The following PDIA6 variants were observed in gnomAD, a reference collection of about 807,000 sequenced individuals.
PDIA6 encodes protein disulfide isomerase family A member 6.
In PDIA6, 29 loss-of-function variants were observed where a neutral mutation model predicts 58.4. The observed-to-expected ratio is 0.50, with a 90% confidence interval of 0.37 to 0.68. PDIA6 has a LOEUF of 0.68. Ranked by LOEUF, PDIA6 falls within the 30% of genes least tolerant of loss-of-function variation. PDIA6 has a pLI of 0.00. For synonymous variants in PDIA6, 192 were observed against 202.6 expected, an observed-to-expected ratio of 0.95 and a Z score of 0.44; for missense variants, 480 against 551.0, an observed-to-expected ratio of 0.87 and a Z score of 1.29.
At chr2:10,824,348 C>T (rs1406104330) in intron 1 of PDIA6, among the ~76,000 whole-genome samples, 1 of 152,246 alleles carries the variant, frequency 6.6e-6, no homozygotes, top group Non-Finnish European at 1.5e-5. Flanking sequence ...CCGATGACAC[C>T]TGTCGAGTGT....
intron 1 of PDIA6, chr2:10,823,479 T>C (rs575376431): frequency 6.6e-6 from 1 of 152,366 alleles, no homozygotes; most frequent in African/African-American, 2.4e-5. Context: ...CACTTTGTCA[T>C]CTGTATCAAT....
At chr2:10,819,351 G>A (rs759343176) in exon 2 of PDIA6, 6 of 1,518,372 alleles carry the variant, frequency 4.0e-6, no homozygotes, top group South Asian at 2.4e-5. Flanking sequence ...AGAAGTTGGT[G>A]AGCCTGAAAG....
chr2:10,827,615 G>C (rs1667586571), intron 1 of PDIA6, among the ~76,000 whole-genome samples: 1 of 152,132 alleles, frequency 6.6e-6, no homozygotes, highest in Admixed American at 6.5e-5. Context: ...CTTGAGGCCA[G>C]GAGTTCAAGA....
rs1665641016 is a variant in PDIA6 at position 10,784,976 on chromosome 2, A to G, written c.1212T>C (p.Pro404=). ...STAPVGGGAF[P]TIVEREPWDG... is the part of the protein sequence containing the mutation. ...CCCAAGGCTCTCTCTCAACGATGGT[A>G]GGGAAAGCCCCGCCTCCTACAGGTG... Residue 404 remains proline, a synonymous_variant, in exon 12 of 13, where the codon CCT becomes CCC. Transcript: ENST00000272227. 1.9e-6 allele frequency: 3 copies of G among 1,592,640 alleles called. No individual in the cohort carries two copies. Among genetic ancestry groups the G allele is most frequent in the Non-Finnish European group, 2.6e-6 (3 of 1,168,260 alleles).
intron 1 of PDIA6, among the ~76,000 whole-genome samples, chr2:10,826,782 T>C (rs1483606840): frequency 6.6e-6 from 1 of 152,244 alleles, no homozygotes; most frequent in African/African-American, 2.4e-5. Context: ...TCTGCCCTCC[T>C]GAGCAGACCT....
chr2:10,835,741 T>G (rs554210606), upstream of PDIA6, among the ~76,000 whole-genome samples: 93 of 152,138 alleles, frequency 6.1e-4, no homozygotes, highest in African/African-American at 2.2e-3. Flanking sequence ...CGCCAGGGGA[T>G]CCTATGAAAT....
At chr2:10,834,717 CCCTCCCTTCCTTCCCTCCTT>C (rs1667787806), upstream of PDIA6, among the ~76,000 whole-genome samples, 3 of 49,688 alleles carry the variant, frequency 6.0e-5, no homozygotes, top group African/African-American at 1.9e-4. Context: ...CTCCCTCCCT[CCCTCCCTTCCTTCCCTCCTT>C]CCTTCCTTCC....
At chr2:10,814,313 C>G (rs534822704), upstream of PDIA6, among the ~76,000 whole-genome samples, 28 of 152,312 alleles carry the variant, frequency 1.8e-4, no homozygotes, top group African/African-American at 6.5e-4. Flanking sequence ...CTCCTGGAAG[C>G]CACATGCCAG....
chr2:10,831,198 C>T (rs1208068509), intron 1 of PDIA6, among the ~76,000 whole-genome samples: 1 of 152,224 alleles, frequency 6.6e-6, no homozygotes, highest in African/African-American at 2.4e-5. Flanking sequence ...TTGATGAGCG[C>T]TGTGACCACT....
chr2:10,815,080 G>A (rs549048222), upstream of PDIA6, among the ~76,000 whole-genome samples: 2,439 of 146,442 alleles, frequency 0.017, 74 homozygotes, highest in African/African-American at 0.056. Context: ...ACAGGCACAG[G>A]CTTCGGGAAA....
intron 1 of PDIA6, among the ~76,000 whole-genome samples, chr2:10,832,016 C>A (rs867103824): frequency 1.5e-3 from 124 of 81,276 alleles, no homozygotes; most frequent in African/African-American, 2.3e-3. Context: ...GACCCTGTCT[C>A]AAAAAAAAAA....
upstream of PDIA6, among the ~76,000 whole-genome samples, chr2:10,834,732 CTCCT>C (rs869156704): frequency 0.029 from 1,061 of 36,408 alleles, 58 homozygotes; most frequent in African/African-American, 0.096. Flanking sequence ...CCTTCCTTCC[CTCCT>C]TCCTTCCTTC....
At position 10,786,272 on chromosome 2, in the gene PDIA6, G is replaced by A. The variant is rs769199835; in HGVS notation, c.1157+1009C>T. Among the ~76,000 whole-genome samples the A allele has an allele frequency of 3.3e-4, 50 of 151,980 alleles. 1 individual carries two copies. The highest frequency in any genetic ancestry group is 1.0e-3 in the African/African-American group (43 of 41,350). On this transcript the variant is annotated intron_variant, in intron 11 of 12. Transcript: ENST00000272227. Reference sequence around the variant, plus strand: ...CGGGAGGTGGAGGTTGCAGTGAGCCGAGATCGTGCCAGCCCGGACGACACA... The same window carrying A: ...CGGGAGGTGGAGGTTGCAGTGAGCCAAGATCGTGCCAGCCCGGACGACACA...
chr2:10,797,828 A>T (rs1399621962), intron 2 of PDIA6, 71 bp from the exon 3 acceptor site: 2 of 1,274,766 alleles, frequency 1.6e-6, no homozygotes, highest in Non-Finnish European at 2.2e-6. Flanking sequence ...TCAAAAATTC[A>T]ATTAAAAAAC....
At chr2:10,798,928 A>G (rs548255206) in intron 2 of PDIA6, among the ~76,000 whole-genome samples, 1 of 152,318 alleles carries the variant, frequency 6.6e-6, no homozygotes, top group South Asian at 2.1e-4. Context: ...TTAGAAACAC[A>G]TGCATAAACC....
chr2:10,803,637 A>G (rs1666606123), intron 1 of PDIA6, among the ~76,000 whole-genome samples: 1 of 151,512 alleles, frequency 6.6e-6, no homozygotes, highest in Admixed American at 6.6e-5. Flanking sequence ...GGAAACTTAC[A>G]TGCAATTTAC....
intron 2 of PDIA6, among the ~76,000 whole-genome samples, chr2:10,818,327 C>A (rs947934772): frequency 2.7e-5 from 4 of 148,966 alleles, no homozygotes; most frequent in Non-Finnish European, 4.5e-5. Flanking sequence ...ACACACCTGA[C>A]TAATTTCTGT....
chr2:10,831,267 C>T (rs1410913864), intron 1 of PDIA6, among the ~76,000 whole-genome samples: 1 of 152,230 alleles, frequency 6.6e-6, no homozygotes, highest in Non-Finnish European at 1.5e-5. Flanking sequence ...GCGCTGCCCT[C>T]CTCCCGGGCC....
At chr2:10,807,287 C>A (rs1298472186) in intron 1 of PDIA6, among the ~76,000 whole-genome samples, 2 of 152,230 alleles carry the variant, frequency 1.3e-5, no homozygotes, top group Admixed American at 1.3e-4. Flanking sequence ...CAGCTCCCTG[C>A]AGCAGCCCTG....
Sources: allele counts gnomAD v4.1 joint callset (sites outside exome capture counted in the v4.1 genomes callset), GRCh38; gene constraint gnomAD v4.1.1; transcripts MANE v1.5; gene names NCBI Gene and HGNC (gene_info 2026-07-23, HGNC 2026-07-21).